The following PCCB variants were observed in gnomAD, a reference collection of about 807,000 sequenced individuals.
PCCB encodes propionyl-CoA carboxylase beta chain, mitochondrial.
Under a neutral mutation model 60.7 loss-of-function variants are expected in PCCB, and 43 were observed. That is an observed-to-expected ratio of 0.71 (90% confidence interval 0.55 to 0.91). PCCB has a LOEUF of 0.91. Among genes scored for constraint, PCCB ranks in the 40% least tolerant of loss-of-function variants. The pLI, the probability that PCCB is intolerant of heterozygous loss-of-function variation, is 0.00. For missense variants in PCCB, 766 were observed against 702.8 expected, an observed-to-expected ratio of 1.09 and a Z score of -1.02; for synonymous variants, 276 against 255.9, an observed-to-expected ratio of 1.08 and a Z score of -0.75.
chr3:136,326,699 C>T, intron 10 of PCCB, 104 bp from the exon 11 acceptor site: 9 of 836,666 alleles, frequency 1.1e-5, no homozygotes, highest in South Asian at 1.1e-4. Context: ...GTGTTGGTGC[C>T]TCCACAGAAA....
chr3:136,311,510 A>G (rs1052307612), intron 9 of PCCB, among the ~76,000 whole-genome samples: 1 of 146,576 alleles, frequency 6.8e-6, no homozygotes, highest in Non-Finnish European at 1.5e-5. Flanking sequence ...CTGATTTAAT[A>G]TTTTTTTTTT....
intron 10 of PCCB, among the ~76,000 whole-genome samples, chr3:136,324,085 G>T (rs1935210022): frequency 6.6e-6 from 1 of 151,104 alleles, no homozygotes; most frequent in African/African-American, 2.4e-5. Flanking sequence ...GTCATTTGTG[G>T]TCACTGAAGT....
Position 136,303,570 on chromosome 3 carries a change from C to T in PCCB, c.966+2459C>T, listed in dbSNP as rs150323861. On this transcript the variant is annotated intron_variant, in intron 9 of 14. Transcript: ENST00000251654. ...GTATTTTAAAATCAGGTTTTGGTAT[C>T]GATGTTGTATTTGCTTTACTTATTT... Among the ~76,000 whole-genome samples the T allele has an allele frequency of 1.1e-4, 13 of 121,400 alleles. 5 individuals are homozygous for T. The East Asian group carries it at 7.2e-3, about 67-fold the overall frequency. 79.6% of individuals were successfully genotyped at this position (121,400 alleles called of 152,430 possible).
chr3:136,256,823 G>T (rs759080732), intron 3 of PCCB, among the ~76,000 whole-genome samples, 200 bp downstream of exon 3: 3 of 152,174 alleles, frequency 2.0e-5, no homozygotes, highest in Admixed American at 6.5e-5. Flanking sequence ...TTTTGGGGGG[G>T]ATCACAGGGC....
intron 5 of PCCB, among the ~76,000 whole-genome samples, chr3:136,281,754 C>T (rs1367609494): frequency 1.3e-5 from 2 of 152,118 alleles, no homozygotes; most frequent in African/African-American, 4.8e-5. Context: ...GTCTAGTTCT[C>T]CTACTTTTCA....
chr3:136,285,288 C>T (rs1933347409), intron 6 of PCCB, among the ~76,000 whole-genome samples: 2 of 152,138 alleles, frequency 1.3e-5, no homozygotes, highest in South Asian at 2.1e-4. Context: ...TCCTGCTACA[C>T]ACATCCACAT....
intron 1 of PCCB, among the ~76,000 whole-genome samples, chr3:136,252,687 A>G (rs1164755408): frequency 4.3e-4 from 51 of 118,562 alleles, no homozygotes; most frequent in African/African-American, 1.7e-3. Flanking sequence ...TTTTTTTGGT[A>G]GAGACAGGGT....
At chr3:136,286,783 C>T (rs778449816) in intron 6 of PCCB, among the ~76,000 whole-genome samples, 5 of 152,100 alleles carry the variant, frequency 3.3e-5, no homozygotes, top group Admixed American at 1.3e-4. Flanking sequence ...TTGCAGTGAG[C>T]GCTTTGGGAG....
chr3:136,294,153 T>C, intron 7 of PCCB, among the ~76,000 whole-genome samples: 1 of 152,220 alleles, frequency 6.6e-6, no homozygotes, highest in East Asian at 1.9e-4. Flanking sequence ...TAGGTATGAT[T>C]TATGTATGTA....
At chr3:136,275,796 C>T (rs143538564) in intron 5 of PCCB, among the ~76,000 whole-genome samples, 139 of 152,032 alleles carry the variant, frequency 9.1e-4, no homozygotes, top group Admixed American at 7.7e-3. Flanking sequence ...GTTGAGATGG[C>T]GTCTCGCTCT....
At chr3:136,326,689 G>T (rs767651766) in intron 10 of PCCB, 114 bp from the exon 11 acceptor site, 28 of 790,632 alleles carry the variant, frequency 3.5e-5, no homozygotes, top group Non-Finnish European at 6.2e-5. Flanking sequence ...CAACAAAGAA[G>T]TGTTGGTGCC....
chr3:136,268,964 C>T lies in PCCB; in HGVS notation c.543+6899C>T, dbSNP rs1014497028. On this transcript the variant is annotated intron_variant, in intron 5 of 14. Coordinates refer to ENST00000251654, the MANE Select transcript of PCCB (RefSeq NM_000532.5). ...TTTGCAGCATACCTGTCTTGCACTT[C>T]TTTTGTTAAACTTATACCTAAAATA... Among the ~76,000 whole-genome samples, 9 of 152,280 alleles carry T rather than the reference C, an allele frequency of 5.9e-5. No individual in the cohort carries two copies. The East Asian group carries it at 1.7e-3, about 29-fold the overall frequency.
chr3:136,278,542 C>A (rs1942392746), intron 5 of PCCB, among the ~76,000 whole-genome samples: 1 of 152,042 alleles, frequency 6.6e-6, no homozygotes, highest in African/African-American at 2.4e-5. Context: ...CTTGTAGATT[C>A]TTCTTTTGCC....
chr3:136,263,931 G>A (rs1324058113), intron 5 of PCCB, among the ~76,000 whole-genome samples: 1 of 151,558 alleles, frequency 6.6e-6, no homozygotes, highest in Non-Finnish European at 1.5e-5. Flanking sequence ...ACAACTGCTT[G>A]AACCTGGGAG....
At chr3:136,322,365 T>C (rs1194003793) in intron 10 of PCCB, among the ~76,000 whole-genome samples, 7 of 152,228 alleles carry the variant, frequency 4.6e-5, no homozygotes, top group Non-Finnish European at 1.0e-4. Flanking sequence ...GATCTGCTAA[T>C]ATTTTGTTGA....
In PCCB at chr3:136,298,085, C is replaced by T; in HGVS notation, c.884+13C>T. The T allele has an allele frequency of 1.2e-6, 2 of 1,613,986 alleles. No homozygotes were observed. Among genetic ancestry groups the T allele is most frequent in the East Asian group, 4.5e-5 (2 of 44,874 alleles). On this transcript the variant is annotated intron_variant, in intron 8 of 14. Coordinates refer to ENST00000251654, the MANE Select transcript of PCCB (RefSeq NM_000532.5). ...GCCACGATCCCAGGTGGGTTGTAGGCCGGTGCACCTTCTCTCATTTTGCAG... is the reference window on the plus strand; with the variant it reads ...GCCACGATCCCAGGTGGGTTGTAGGTCGGTGCACCTTCTCTCATTTTGCAG...
At chr3:136,329,279 C>A (rs1369984764) in intron 14 of PCCB, among the ~76,000 whole-genome samples, 2 of 152,180 alleles carry the variant, frequency 1.3e-5, no homozygotes, top group Admixed American at 6.5e-5. Flanking sequence ...TTGACCGGGG[C>A]TTGACAGTCC....
At chr3:136,318,458 C>T (rs191609721) in intron 10 of PCCB, among the ~76,000 whole-genome samples, 19 of 152,254 alleles carry the variant, frequency 1.2e-4, no homozygotes, top group African/African-American at 3.4e-4. Context: ...GTAGTGCAAC[C>T]GCAGTGATTA....
chr3:136,319,900 C>T (rs1427956044), intron 10 of PCCB, among the ~76,000 whole-genome samples: 1 of 152,084 alleles, frequency 6.6e-6, no homozygotes, highest in Non-Finnish European at 1.5e-5. Context: ...AGGAGTGCAA[C>T]TTCATTCTTT....
Sources: gnomAD v4.1 joint callset for allele counts (sites outside exome capture counted in the v4.1 genomes callset) on GRCh38, gnomAD v4.1.1 for gene constraint, MANE v1.5 for transcripts, NCBI Gene and HGNC (gene_info 2026-07-23, HGNC 2026-07-21) for gene names.